Variants in CDS2 observed in about 807,000 individuals in gnomAD.
The protein encoded by CDS2 is CDP-diacylglycerol synthase 2.
Under a neutral mutation model 59.0 loss-of-function variants are expected in CDS2, and 47 were observed. The observed-to-expected ratio is 0.80, with a 90% confidence interval of 0.63 to 1.02. The LOEUF (loss-of-function observed/expected upper bound fraction) is 1.02, where lower values mean the gene tolerates loss of function less well. Ranked by LOEUF, CDS2 falls within the 50% of genes least tolerant of loss-of-function variation. The pLI, the probability that CDS2 is intolerant of heterozygous loss-of-function variation, is 0.00. For missense variants in CDS2, 356 were observed against 558.9 expected (o/e 0.64, Z 3.66); for synonymous variants, 207 against 206.4 (o/e 1.00, Z -0.02).
chr20:5,189,316 C>T (rs2091094849), intron 11 of CDS2, 130 bp downstream of exon 11: 1 of 991,956 alleles, frequency 1.0e-6, no homozygotes, highest in African/African-American at 1.6e-5. Context: ...TTGACCCATG[C>T]ACTGAATTTA....
At position 5,196,270 on chromosome 20, in the gene CDS2, C is replaced by T. The variant is rs148187692; in HGVS notation, c.*6036C>T. ...CTTGCCCCCGAGCCCTCCTGTCCTT[C>T]TGGGTTTGTGTTTGCCTTGCCTGGT... is the stretch of plus-strand genomic sequence containing the variant. On this transcript the variant is annotated 3_prime_UTR_variant, in exon 13 of 13. Transcript: ENST00000460006. 3.9e-5 allele frequency: 6 copies of T among 152,322 alleles called. No individual in the cohort carries two copies. Among genetic ancestry groups the T allele is most frequent in the African/African-American group, 1.4e-4 (6 of 41,524 alleles). 9.4% of individuals were successfully genotyped at this position (152,322 alleles called of 1,614,324 possible).
intron 1 of CDS2, among the ~76,000 whole-genome samples, chr20:5,139,914 C>G (rs1402669995): frequency 1.3e-5 from 2 of 151,982 alleles, no homozygotes; most frequent in African/African-American, 4.8e-5. Context: ...TTCTCCCTGC[C>G]TCAGCCTCAC....
intron 11 of CDS2, 44 bp downstream of exon 11, chr20:5,189,230 C>A: frequency 1.2e-6 from 2 of 1,612,172 alleles, no homozygotes; most frequent in Non-Finnish European, 8.5e-7. Context: ...CTCCCTCACC[C>A]ATCTTCTGCC....
intron 1 of CDS2, among the ~76,000 whole-genome samples, chr20:5,164,628 GAAAA>G (rs11481738): frequency 7.0e-6 from 1 of 142,776 alleles, no homozygotes; most frequent in African/African-American, 2.6e-5. Context: ...TTAATAAACT[GAAAA>G]AAAAAAAAAA....
In CDS2 at chr20:5,190,652, G is replaced by GCA. The variant is rs1192043573; in HGVS notation, c.*421_*422dup. On this transcript the variant is annotated 3_prime_UTR_variant, in exon 13 of 13. Transcript: ENST00000460006. ...GGGACTTCCCCACCTGTGGTGGGAGGCACAGCTTAGATGTTTTGTACACCT... is the reference window on the plus strand; with the variant it reads ...GGGACTTCCCCACCTGTGGTGGGAGGCACACAGCTTAGATGTTTTGTACACCT... 4 of 152,910 alleles carry GCA rather than the reference G, an allele frequency of 2.6e-5. No homozygotes were observed. The highest frequency in any genetic ancestry group is 5.8e-5 in the Non-Finnish European group (4 of 68,580). 9.5% of individuals were successfully genotyped at this position (152,910 alleles called of 1,614,324 possible). A position where few individuals can be genotyped will look rare whatever the true frequency, so the allele number is the denominator to read the frequency against.
At chr20:5,155,695 A>G (rs927472232) in intron 1 of CDS2, among the ~76,000 whole-genome samples, 2 of 152,190 alleles carry the variant, frequency 1.3e-5, no homozygotes, top group African/African-American at 4.8e-5. Flanking sequence ...TAGCTTAGTC[A>G]TATCTTTTGC....
chr20:5,181,841 A>G (rs1460344147), intron 5 of CDS2, among the ~76,000 whole-genome samples: 2 of 152,230 alleles, frequency 1.3e-5, no homozygotes, highest in African/African-American at 2.4e-5. Flanking sequence ...TTGTGTATCT[A>G]AACATAGAAA....
chr20:5,165,880 A>G (rs964178587), intron 1 of CDS2, among the ~76,000 whole-genome samples: 1 of 152,278 alleles, frequency 6.6e-6, no homozygotes, highest in East Asian at 1.9e-4. Flanking sequence ...AAAAGTCCTA[A>G]AGGTAAGAAA....
intron 1 of CDS2, among the ~76,000 whole-genome samples, chr20:5,132,641 TAAAA>T (rs943643820): frequency 6.6e-6 from 1 of 152,152 alleles, no homozygotes; most frequent in African/African-American, 2.4e-5. Context: ...ATTTAGGAAT[TAAAA>T]AAATCAGTAA....
intron 1 of CDS2, among the ~76,000 whole-genome samples, chr20:5,132,349 TG>T (rs1381912976): frequency 6.6e-6 from 1 of 152,120 alleles, no homozygotes; most frequent in Admixed American, 6.6e-5. Context: ...CCACCCGCCT[TG>T]GCCTCCTGAA....
intron 1 of CDS2, among the ~76,000 whole-genome samples, chr20:5,135,397 C>G (rs1002801075): frequency 6.6e-6 from 1 of 152,218 alleles, no homozygotes; most frequent in Non-Finnish European, 1.5e-5. Flanking sequence ...TAAGGTCTCC[C>G]AGCCCTTCTG....
intron 1 of CDS2, among the ~76,000 whole-genome samples, chr20:5,150,684 G>GC (rs775018324): frequency 1.3e-5 from 2 of 152,324 alleles, no homozygotes; most frequent in Non-Finnish European, 2.9e-5. Flanking sequence ...GCCCAACTCA[G>GC]CCCCAGCCCC....
intron 1 of CDS2, among the ~76,000 whole-genome samples, chr20:5,139,054 C>T (rs1464391553): frequency 1.3e-5 from 2 of 152,154 alleles, no homozygotes; most frequent in East Asian, 3.9e-4. Flanking sequence ...TAAAAACAGA[C>T]ACACAGGCTG....
At chr20:5,145,595 T>C (rs1172835425) in intron 1 of CDS2, among the ~76,000 whole-genome samples, 2 of 152,156 alleles carry the variant, frequency 1.3e-5, no homozygotes, top group Admixed American at 6.5e-5. Context: ...GGCTGCATTT[T>C]CTGTTTTGTT....
chr20:5,183,346 A>G (rs1041682159), intron 7 of CDS2, among the ~76,000 whole-genome samples: 16 of 152,204 alleles, frequency 1.1e-4, no homozygotes, highest in Non-Finnish European at 7.3e-5. Context: ...TTTCTAGTAC[A>G]TTCCTGGGTG....
chr20:5,188,124 A>G (rs1462128274), intron 10 of CDS2, among the ~76,000 whole-genome samples: 1 of 152,024 alleles, frequency 6.6e-6, no homozygotes, highest in Non-Finnish European at 1.5e-5. Flanking sequence ...ACACGGTATA[A>G]TGAAATGTGT....
intron 1 of CDS2, among the ~76,000 whole-genome samples, chr20:5,137,926 G>A (rs2090661325): frequency 6.6e-6 from 1 of 151,516 alleles, no homozygotes; most frequent in South Asian, 2.1e-4. Context: ...AGCCTCCCGA[G>A]TAGCTGGGAC....
At chr20:5,145,164 G>A (rs1263886560) in intron 1 of CDS2, among the ~76,000 whole-genome samples, 3 of 151,306 alleles carry the variant, frequency 2.0e-5, no homozygotes, top group African/African-American at 7.3e-5. Flanking sequence ...ATTGGACTAA[G>A]ATCTCTGGGC....
chr20:5,154,350 G>C (rs1173692206), intron 1 of CDS2, among the ~76,000 whole-genome samples: 1 of 152,152 alleles, frequency 6.6e-6, no homozygotes, highest in African/African-American at 2.4e-5. Context: ...CACCACCCTT[G>C]GTAGTTCTCT....
Sources: gnomAD v4.1 joint callset for allele counts (sites outside exome capture counted in the v4.1 genomes callset) on GRCh38, gnomAD v4.1.1 for gene constraint, MANE v1.5 for transcripts, NCBI Gene and HGNC (gene_info 2026-07-23, HGNC 2026-07-21) for gene names.